The following LGI1 variants were observed in gnomAD, a reference collection of about 807,000 sequenced individuals.
LGI1 encodes the protein leucine-rich glioma-inactivated protein 1.
A neutral mutation model predicts 57.7 loss-of-function variants in LGI1; 11 were observed. That is an observed-to-expected ratio of 0.19 (90% CI 0.12 to 0.32). The LOEUF (loss-of-function observed/expected upper bound fraction) is 0.32. LGI1 is among the 10% of genes least tolerant of loss of function. LGI1 has a pLI of 1.00. For missense variants in LGI1, 422 were observed against 661.9 expected, an observed-to-expected ratio of 0.64 and a Z score of 3.98; for synonymous variants, 222 against 241.9, an observed-to-expected ratio of 0.92 and a Z score of 0.76.
chr10:93,782,445 C>T (rs923970773), intron 4 of LGI1, among the ~76,000 whole-genome samples: 1 of 152,172 alleles, frequency 6.6e-6, no homozygotes, highest in Non-Finnish European at 1.5e-5. Context: ...AGAACAGGGC[C>T]TGGTATGTAG....
At chr10:93,783,738 G>A (rs576254362) in intron 4 of LGI1, among the ~76,000 whole-genome samples, 1 of 152,184 alleles carries the variant, frequency 6.6e-6, no homozygotes, top group Non-Finnish European at 1.5e-5. Context: ...TAGGCTGTGT[G>A]CGGTGGCTCA....
At chr10:93,760,295 A>G (rs1338876568) in intron 2 of LGI1, among the ~76,000 whole-genome samples, 1 of 152,238 alleles carries the variant, frequency 6.6e-6, no homozygotes, top group African/African-American at 2.4e-5. Flanking sequence ...AGCACATCAA[A>G]CAAATCCAAA....
chr10:93,792,517 AG>A (rs1362288480), intron 5 of LGI1: 1 of 597,924 alleles, frequency 1.7e-6, no homozygotes, highest in Non-Finnish European at 3.0e-6. Flanking sequence ...GGAATTCAAG[AG>A]GGAGTAAGTG....
intron 2 of LGI1, chr10:93,767,942 G>A (rs2059695984): frequency 6.6e-6 from 1 of 152,124 alleles, no homozygotes; most frequent in Admixed American, 6.5e-5. Context: ...GCATTTCCCT[G>A]GGTATGTTCC....
intron 4 of LGI1, among the ~76,000 whole-genome samples, chr10:93,780,817 G>C (rs1206139924): frequency 6.6e-6 from 1 of 152,078 alleles, no homozygotes; most frequent in Non-Finnish European, 1.5e-5. Context: ...AATATGACTA[G>C]AGAAGAAAGA....
At chr10:93,779,488 G>C (rs2059827355) in intron 4 of LGI1, among the ~76,000 whole-genome samples, 1 of 150,358 alleles carries the variant, frequency 6.7e-6, no homozygotes, top group Admixed American at 6.6e-5. Flanking sequence ...GAGGAAAGGA[G>C]GGAGGGAGAA....
Position 93,763,980 on chromosome 10 carries a change from TTTTGA to T in LGI1, c.287+5153_287+5157del, listed in dbSNP as rs1489335308. On this transcript the variant is annotated intron_variant, in intron 2 of 7. Coordinates refer to ENST00000371418, the MANE Select transcript of LGI1 (RefSeq NM_005097.4). The stretch of plus-strand genomic sequence containing the variant: ...ATCAATAACACAAAGATAATTTCCT[TTTTGA>T]TTTAAGTACTGCTTAGCCAAAATAA... The T allele has an allele frequency of 2.6e-5, 4 of 152,310 alleles. No homozygotes were observed. In the East Asian group the frequency reaches 5.8e-4, roughly 22 times the overall value. The allele number at this position is 152,310 out of a possible 1,614,324, so 9.4% of individuals were successfully genotyped here. A position where few individuals can be genotyped will look rare whatever the true frequency, so the allele number is the denominator to read the frequency against.
intron 4 of LGI1, among the ~76,000 whole-genome samples, chr10:93,787,924 A>C (rs991449958): frequency 2.0e-5 from 3 of 151,652 alleles, no homozygotes; most frequent in Non-Finnish European, 4.4e-5. Context: ...AAAAAAAAAA[A>C]AGAATTCCCC....
chr10:93,779,575 A>C (rs1328710342), intron 4 of LGI1, among the ~76,000 whole-genome samples: 1 of 152,044 alleles, frequency 6.6e-6, no homozygotes, highest in South Asian at 2.1e-4. Context: ...AAGGGAAAGA[A>C]AAAGTCTGTT....
At chr10:93,795,675 G>A (rs2059974290) in intron 7 of LGI1, among the ~76,000 whole-genome samples, 1 of 152,158 alleles carries the variant, frequency 6.6e-6, no homozygotes, top group Non-Finnish European at 1.5e-5. Flanking sequence ...CTTTCATGTA[G>A]AGTGCAGACA....
Position 93,797,847 on chromosome 10 carries a change from A to T in LGI1, c.*44A>T. On this transcript the variant is annotated 3_prime_UTR_variant, in exon 8 of 8. Transcript: ENST00000371418. The surrounding 1 kb of genome is among the most constrained non-coding windows in gnomAD (Gnocchi z 6.5). ...TGCCATCAGAAATTTTCTACAGTAC[A>T]TGACCCGGATGAACTCAATGCATGA... 7.7e-7 allele frequency: 1 copy of T among 1,297,140 alleles called. No homozygotes were observed. Among genetic ancestry groups the T allele is most frequent in the South Asian group, 1.2e-5 (1 of 84,964 alleles). 80.4% of individuals were successfully genotyped at this position (1,297,140 alleles called of 1,614,324 possible). A position where few individuals can be genotyped will look rare whatever the true frequency, so the allele number is the denominator to read the frequency against.
chr10:93,768,951 T>C (rs2059707696), intron 2 of LGI1: 1 of 152,232 alleles, frequency 6.6e-6, no homozygotes, highest in Non-Finnish European at 1.5e-5. Flanking sequence ...ATCAGCTGAA[T>C]TTTCAAGGTT....
At position 93,758,132 on chromosome 10, in the gene LGI1, T is replaced by C. The variant is rs752138146; in HGVS notation, c.-13T>C. On this transcript the variant is annotated 5_prime_UTR_variant, in exon 1 of 8. Transcript: ENST00000371418. The surrounding 1 kb of genome is among the most constrained non-coding windows in gnomAD (Gnocchi z 4.7). ...GAAGCCCTGTTCATGGTTGGGGATA[T>C]TTTCTCGACTGCATGGAATCAGAAA... is the stretch of plus-strand genomic sequence containing the variant. 1 of 1,613,066 alleles carries C rather than the reference T, an allele frequency of 6.2e-7. No individual in the cohort carries two copies. The highest frequency in any genetic ancestry group is 1.1e-5 in the South Asian group (1 of 91,046).
At chr10:93,783,814 C>A (rs1196931634) in intron 4 of LGI1, among the ~76,000 whole-genome samples, 2 of 152,116 alleles carry the variant, frequency 1.3e-5, no homozygotes, top group Non-Finnish European at 2.9e-5. Flanking sequence ...GAGTTCAAGA[C>A]CAGCCTGGCC....
intron 4 of LGI1, 44 bp downstream of exon 4, chr10:93,777,661 C>T: frequency 6.7e-7 from 1 of 1,490,374 alleles, no homozygotes; most frequent in East Asian, 2.3e-5. Flanking sequence ...TGCTAATGGA[C>T]AATGCAGTTT....
chr10:93,795,018 G>T (rs918236562), intron 7 of LGI1, among the ~76,000 whole-genome samples: 2 of 151,934 alleles, frequency 1.3e-5, no homozygotes. Context: ...AAGGAAGAAG[G>T]TCATGCTTCC....
At chr10:93,777,940 A>G (rs2059808212) in intron 4 of LGI1, among the ~76,000 whole-genome samples, 2 of 152,182 alleles carry the variant, frequency 1.3e-5, no homozygotes, top group Non-Finnish European at 2.9e-5. Context: ...GTATAATTTG[A>G]TATCAGCTTT....
At chr10:93,796,929 G>T (rs2059985083) in intron 7 of LGI1, 39 bp from the exon 8 acceptor site, 2 of 1,502,558 alleles carry the variant, frequency 1.3e-6, no homozygotes, top group Admixed American at 3.3e-5. Flanking sequence ...TCCAAAAGAG[G>T]ATGGCCACAC....
chr10:93,796,981 A>G lies in LGI1; in HGVS notation c.852A>G (p.Val284=), dbSNP rs760001691. 3.1e-6 allele frequency: 5 copies of G among 1,613,538 alleles called. No individual in the cohort carries two copies. The highest frequency in any genetic ancestry group is 3.4e-6 in the Non-Finnish European group (4 of 1,179,568). ...NYDNITGTST[V]VCKPIVIETQ... is the part of the protein sequence containing the mutation. ...GTCTTTTCCCAGGCACATCCACTGTAGTATGCAAGCCTATAGTCATTGAAA... is the reference window on the plus strand; with the variant it reads ...GTCTTTTCCCAGGCACATCCACTGTGGTATGCAAGCCTATAGTCATTGAAA... The change falls in exon 8 of 8, where the codon GTA becomes GTG. Residue 284 remains valine (V), a synonymous_variant. Transcript: ENST00000371418.
Sources: allele counts gnomAD v4.1 joint callset (sites outside exome capture counted in the v4.1 genomes callset), GRCh38; gene constraint gnomAD v4.1.1; non-coding constraint Gnocchi (gnomAD v3.1); transcripts MANE v1.5; gene names NCBI Gene and HGNC (gene_info 2026-07-23, HGNC 2026-07-21).